PRKG1: variants seen among roughly 807,000 people sequenced by gnomAD.
PRKG1 encodes the protein protein kinase cGMP-dependent 1, also known as cGMP-dependent protein kinase 1.
In PRKG1, 35 loss-of-function variants were observed where a neutral mutation model predicts 88.1. The observed-to-expected ratio is 0.40, with a 90% CI of 0.30 to 0.53. PRKG1 has a LOEUF of 0.53. PRKG1 is among the 20% of genes least tolerant of loss of function. The pLI is 0.59. For synonymous variants in PRKG1, 303 were observed against 292.5 expected (o/e 1.04, Z -0.37); for missense variants, 540 against 839.8 (o/e 0.64, Z 4.41).
chr10:52,140,918 T>A (rs1326049116), intron 8 of PRKG1, among the ~76,000 whole-genome samples: 1 of 152,150 alleles, frequency 6.6e-6, no homozygotes, highest in Non-Finnish European at 1.5e-5. Flanking sequence ...ACATCGCCCG[T>A]TGTCACATTG....
At chr10:52,036,942 C>A (rs992079718) in intron 5 of PRKG1, among the ~76,000 whole-genome samples, 22 of 152,334 alleles carry the variant, frequency 1.4e-4, no homozygotes, top group Non-Finnish European at 3.1e-4. Context: ...AAGAAGGGGA[C>A]GGGCTTACCT....
At chr10:51,908,924 G>A (rs958353154) in intron 5 of PRKG1, 1 of 152,010 alleles carries the variant, frequency 6.6e-6, no homozygotes, top group African/African-American at 2.4e-5. Flanking sequence ...TAGAGACGGG[G>A]TTTCACTATG....
At chr10:51,284,597 A>C (rs1320777301) in intron 2 of PRKG1, among the ~76,000 whole-genome samples, 1 of 152,224 alleles carries the variant, frequency 6.6e-6, no homozygotes, top group Non-Finnish European at 1.5e-5. Context: ...CTGCAAATAA[A>C]AAAGTCTATA....
At chr10:51,621,286 A>G (rs1352537403) in intron 3 of PRKG1, among the ~76,000 whole-genome samples, 1 of 151,504 alleles carries the variant, frequency 6.6e-6, no homozygotes, top group Non-Finnish European at 1.5e-5. Flanking sequence ...TTGAAATTAT[A>G]TGTCAACAGT....
intron 2 of PRKG1, among the ~76,000 whole-genome samples, chr10:51,431,607 G>C (rs904658315): frequency 2.0e-5 from 3 of 152,128 alleles, no homozygotes; most frequent in African/African-American, 7.2e-5. Context: ...GGCCTTTGCT[G>C]TTTTTAATAA....
At chr10:51,549,346 G>A (rs1426935601) in intron 3 of PRKG1, among the ~76,000 whole-genome samples, 2 of 151,304 alleles carry the variant, frequency 1.3e-5, no homozygotes, top group African/African-American at 2.4e-5. Flanking sequence ...GGATGGTCTC[G>A]ATCTCCTGAC....
intron 9 of PRKG1, among the ~76,000 whole-genome samples, chr10:52,204,722 T>C (rs1374027550): frequency 6.6e-6 from 1 of 152,166 alleles, no homozygotes; most frequent in African/African-American, 2.4e-5. Context: ...GACCCTGTGA[T>C]GATTGCATGC....
At chr10:51,153,743 A>C (rs1343643798) in intron 2 of PRKG1, among the ~76,000 whole-genome samples, 1 of 151,962 alleles carries the variant, frequency 6.6e-6, no homozygotes, top group East Asian at 1.9e-4. Context: ...TTTTCCTGCT[A>C]TGAAGCTTCT....
At chr10:51,305,328 C>G (rs539486892) in intron 2 of PRKG1, among the ~76,000 whole-genome samples, 22 of 152,250 alleles carry the variant, frequency 1.4e-4, no homozygotes, top group African/African-American at 5.3e-4. Context: ...TATACATTTT[C>G]AGAAATGCCC....
chr10:51,314,205 T>C (rs1378696884), intron 2 of PRKG1, among the ~76,000 whole-genome samples: 4 of 152,224 alleles, frequency 2.6e-5, no homozygotes, highest in African/African-American at 9.6e-5. Context: ...AGCCAGGGCT[T>C]ACCAGGTGGC....
At chr10:51,342,466 C>A (rs900631577) in intron 2 of PRKG1, among the ~76,000 whole-genome samples, 1 of 152,070 alleles carries the variant, frequency 6.6e-6, no homozygotes, top group Non-Finnish European at 1.5e-5. Context: ...GAAACAAGAA[C>A]TATTTTTAAG....
At chr10:51,536,528 C>T (rs967986670) in intron 3 of PRKG1, among the ~76,000 whole-genome samples, 43 of 152,104 alleles carry the variant, frequency 2.8e-4, no homozygotes, top group African/African-American at 9.2e-4. Context: ...TGCAGAAGCT[C>T]TTTAGTTTAT....
chr10:51,540,179 T>A (rs1165187047), intron 3 of PRKG1, among the ~76,000 whole-genome samples: 1 of 152,204 alleles, frequency 6.6e-6, no homozygotes, highest in Non-Finnish European at 1.5e-5. Flanking sequence ...ACTCTGGAAG[T>A]AAGCTATAAT....
At chr10:52,168,139 T>C (rs1838542387) in intron 9 of PRKG1, among the ~76,000 whole-genome samples, 1 of 152,190 alleles carries the variant, frequency 6.6e-6, no homozygotes, top group Non-Finnish European at 1.5e-5. Flanking sequence ...ATGAATAAAA[T>C]AGATAAGTTT....
At chr10:52,246,674 C>T (rs1400156737) in intron 9 of PRKG1, among the ~76,000 whole-genome samples, 2 of 151,922 alleles carry the variant, frequency 1.3e-5, no homozygotes, top group Non-Finnish European at 2.9e-5. Context: ...GTCGGGAGTT[C>T]AAGACCAGCC....
At chr10:51,052,650 G>A (rs1389243683) in intron 1 of PRKG1, among the ~76,000 whole-genome samples, 1 of 152,130 alleles carries the variant, frequency 6.6e-6, no homozygotes, top group Non-Finnish European at 1.5e-5. Context: ...CACCCCAATG[G>A]TAGAGAATAC....
chr10:51,540,199 C>A (rs988206338), intron 3 of PRKG1, among the ~76,000 whole-genome samples: 1 of 152,156 alleles, frequency 6.6e-6, no homozygotes, highest in African/African-American at 2.4e-5. Flanking sequence ...TCATGTTACA[C>A]AAAATGTGTC....
chr10:51,499,900 A>C (rs117672026), intron 3 of PRKG1, among the ~76,000 whole-genome samples: 7,515 of 152,284 alleles, frequency 0.049, 304 homozygotes, highest in Middle Eastern at 0.12. Flanking sequence ...TCGAGGCTGC[A>C]GTGAGCCAGG....
At chr10:51,034,664 TTATTTATATATATATATATATATATATA>T (rs1589116524) in intron 1 of PRKG1, among the ~76,000 whole-genome samples, 1 of 9,946 alleles carries the variant, frequency 1.0e-4, no homozygotes, top group East Asian at 2.5e-3. Flanking sequence ...ATATAATATG[TTATTTATATATATATATATATATATATA>T]TATATATATA....
Sources: allele counts gnomAD v4.1 joint callset (sites outside exome capture counted in the v4.1 genomes callset), GRCh38; gene constraint gnomAD v4.1.1; transcripts MANE v1.5; gene names NCBI Gene and HGNC (gene_info 2026-07-23, HGNC 2026-07-21).